Variants in RABL2A observed in about 807,000 individuals in gnomAD.
The protein encoded by RABL2A is rab-like protein 2A.
Under a neutral mutation model 30.7 loss-of-function variants are expected in RABL2A, and 17 were observed. The observed-to-expected ratio is 0.55, with a 90% CI of 0.38 to 0.83. The LOEUF is 0.83. RABL2A is among the 40% of genes least tolerant of loss of function. The pLI is 0.00. For missense variants in RABL2A, 155 were observed against 272.6 expected (o/e 0.57, Z 3.04); for synonymous variants, 64 against 101.8 (o/e 0.63, Z 2.24).
chr2:113,640,642 G>A (rs577092805), intron 5 of RABL2A: 92 of 480,258 alleles, frequency 1.9e-4, no homozygotes, highest in Middle Eastern at 1.3e-3. Flanking sequence ...CTCCCAAAGT[G>A]CTGGGATTAC....
chr2:113,639,387 C>G (rs549508574), intron 5 of RABL2A, among the ~76,000 whole-genome samples: 1 of 152,308 alleles, frequency 6.6e-6, no homozygotes, highest in African/African-American at 2.4e-5. Context: ...TTTGGGAGGC[C>G]TAGGCAGGCA....
At chr2:113,637,098 C>G (rs1206932494) in intron 5 of RABL2A, among the ~76,000 whole-genome samples, 1 of 152,236 alleles carries the variant, frequency 6.6e-6, no homozygotes, top group Admixed American at 6.5e-5. Context: ...TAAATACGCA[C>G]GGCCTTACCT....
At chr2:113,637,960 C>G (rs1683586884) in intron 5 of RABL2A, 22 of 985,308 alleles carry the variant, frequency 2.2e-5, no homozygotes, top group Non-Finnish European at 2.5e-5. Context: ...AAAGCACTTG[C>G]CTTCTGACCA....
At chr2:113,641,503 G>T in intron 7 of RABL2A, 53 bp downstream of exon 7, 2 of 1,611,776 alleles carry the variant, frequency 1.2e-6, no homozygotes, top group South Asian at 1.1e-5. Flanking sequence ...GGTGGTAAAG[G>T]GAAGCTGTGA....
intron 5 of RABL2A, 54 bp from the exon 6 acceptor site, chr2:113,640,840 G>C (rs1684850204): frequency 1.2e-6 from 2 of 1,607,744 alleles, no homozygotes; most frequent in South Asian, 2.2e-5. Context: ...CCTGGAGATG[G>C]GGTGCAGAAA....
In RABL2A at chr2:113,632,584, G is replaced by A. The variant is rs564972332; in HGVS notation, c.108-331G>A. Among the ~76,000 whole-genome samples, 84 of 152,380 alleles carry A rather than the reference G, an allele frequency of 5.5e-4. 1 individual carries two copies. Among genetic ancestry groups the A allele is most frequent in the Admixed American group, 4.6e-3 (70 of 15,304 alleles). ...CCCGACCGGGAAATGGCTTTTGAACGGAAGGCGCAGCTTTGGCCTGGCCTC... is the reference window on the plus strand; with the variant it reads ...CCCGACCGGGAAATGGCTTTTGAACAGAAGGCGCAGCTTTGGCCTGGCCTC... On this transcript the variant is annotated intron_variant, in intron 2 of 8. Coordinates refer to ENST00000683472, the MANE Select transcript of RABL2A (RefSeq NM_001306158.2).
At chr2:113,627,674 C>G (rs554336658) in intron 1 of RABL2A, among the ~76,000 whole-genome samples, 44 of 152,300 alleles carry the variant, frequency 2.9e-4, no homozygotes, top group African/African-American at 1.0e-3. Context: ...GCCTATAGTC[C>G]AGGGATGCCG....
At chr2:113,634,505 A>ACC (rs1448603061) in intron 4 of RABL2A, 1 of 524,802 alleles carries the variant, frequency 1.9e-6, no homozygotes, top group Non-Finnish European at 3.4e-6. Flanking sequence ...GGCTGTACCC[A>ACC]CCTCAGGGAA....
At chr2:113,636,785 G>A (rs1228346670) in intron 5 of RABL2A, among the ~76,000 whole-genome samples, 3 of 152,028 alleles carry the variant, frequency 2.0e-5, no homozygotes, top group African/African-American at 7.2e-5. Context: ...TCAGGAGATC[G>A]AGACCATCCT....
At chr2:113,631,095 A>C (rs548758940) in intron 2 of RABL2A, among the ~76,000 whole-genome samples, 1 of 151,780 alleles carries the variant, frequency 6.6e-6, no homozygotes, top group African/African-American at 2.4e-5. Context: ...AGGTTTTGCC[A>C]TGTTGGCCAG....
chr2:113,629,981 A>G (rs1229547369), intron 2 of RABL2A, among the ~76,000 whole-genome samples: 1 of 152,220 alleles, frequency 6.6e-6, no homozygotes, highest in Non-Finnish European at 1.5e-5. Flanking sequence ...ACAACAAAGA[A>G]TAGAAATGGC....
chr2:113,635,976 C>T (rs1250270956), intron 5 of RABL2A, among the ~76,000 whole-genome samples: 8 of 151,144 alleles, frequency 5.3e-5, no homozygotes, highest in Admixed American at 2.0e-4. Flanking sequence ...GGCATGGTGG[C>T]GGGTGCCTGT....
At chr2:113,641,221 G>A in intron 6 of RABL2A, 132 bp from the exon 7 acceptor site, 2 of 1,470,158 alleles carry the variant, frequency 1.4e-6, no homozygotes, top group Non-Finnish European at 1.9e-6. Flanking sequence ...CCTATTAACT[G>A]AGCTCTTTCT....
chr2:113,640,609 T>G (rs1684765315), intron 5 of RABL2A: 1 of 403,864 alleles, frequency 2.5e-6, no homozygotes, highest in South Asian at 2.2e-5. Flanking sequence ...ACTCCTGACC[T>G]CAGGTGATTG....
intron 5 of RABL2A, chr2:113,637,920 C>A: frequency 5.1e-6 from 5 of 985,420 alleles, no homozygotes; most frequent in Non-Finnish European, 4.8e-6. Context: ...GCCACCAGCC[C>A]CAGTCTGCTG....
rs552994730 is a variant in RABL2A, at chr2:113,635,119, G to A, written c.286G>A (p.Ala96Thr). Residue 96 changes from alanine (A) to threonine (T), a missense_variant, in exon 5 of 9, where the codon GCC (alanine) becomes ACC (threonine). Ala to Thr is a moderately conservative substitution (Grantham distance 58, BLOSUM62 0). Coordinates refer to ENST00000683472, the MANE Select transcript of RABL2A (RefSeq NM_001306158.2). The part of the protein sequence containing the change: ...MHASYYHKAH[A>T]CIMVFDIQRK... ...TGCCTCCTACTACCACAAGGCCCAT[G>A]CCTGCATCATGGTACGAGACGGTGG... The A allele has an allele frequency of 1.2e-6, 2 of 1,614,216 alleles. No individual in the cohort carries two copies. Among genetic ancestry groups the A allele is most frequent in the African/African-American group, 2.7e-5 (2 of 75,056 alleles).
intron 5 of RABL2A, among the ~76,000 whole-genome samples, chr2:113,636,074 C>G (rs1682570206): frequency 6.6e-6 from 1 of 151,524 alleles, no homozygotes; most frequent in Non-Finnish European, 1.5e-5. Flanking sequence ...CACCATTGCA[C>G]TCCAGCCTGG....
At position 113,636,140 on chromosome 2, in the gene RABL2A, A is replaced by G. The variant is rs530490825; in HGVS notation, c.297+1010A>G. 2.8e-4 allele frequency among the ~76,000 whole-genome samples: 43 copies of G among 152,108 alleles called. No individual in the cohort carries two copies. In the South Asian group the frequency reaches 3.5e-3, roughly 13 times the overall value. The stretch of plus-strand genomic sequence containing the variant: ...ACCCACATTTTCATGAATATCAGCC[A>G]TCAACAATGCAGAAAGTAATAGACT... On this transcript the variant is annotated intron_variant, in intron 5 of 8. Transcript: ENST00000683472.
chr2:113,639,581 T>C (rs1448257187), intron 5 of RABL2A, among the ~76,000 whole-genome samples: 1 of 151,306 alleles, frequency 6.6e-6, no homozygotes, highest in Non-Finnish European at 1.5e-5. Flanking sequence ...TGAGCCAAGA[T>C]AGCGCCACTG....
Sources: gnomAD v4.1 joint callset for allele counts (sites outside exome capture counted in the v4.1 genomes callset) on GRCh38, gnomAD v4.1.1 for gene constraint, MANE v1.5 for transcripts, NCBI Gene and HGNC (gene_info 2026-07-23, HGNC 2026-07-21) for gene names.